CDC14B: variants seen among roughly 807,000 people sequenced by gnomAD.
CDC14B encodes the protein dual specificity protein phosphatase CDC14B.
Under a neutral mutation model 64.2 loss-of-function variants are expected in CDC14B, and 22 were observed. That is an observed-to-expected ratio of 0.34 (90% confidence interval 0.24 to 0.49). The LOEUF is 0.49. Among genes scored for constraint, CDC14B ranks in the 20% least tolerant of loss-of-function variants. CDC14B has a pLI of 0.99. For missense variants in CDC14B, 498 were observed against 629.9 expected, an observed-to-expected ratio of 0.79 and a Z score of 2.24; for synonymous variants, 191 against 215.8, an observed-to-expected ratio of 0.89 and a Z score of 1.01.
At chr9:96,497,462 C>T (rs2181071), downstream of CDC14B, among the ~76,000 whole-genome samples, 22,209 of 152,220 alleles carry the variant, frequency 0.15, 1,730 homozygotes, top group Non-Finnish European at 0.18. Context: ...CTGCGCCAAC[C>T]GCTTGGAAGA....
chr9:96,599,907 T>A (rs1424538852), intron 1 of CDC14B, among the ~76,000 whole-genome samples: 2 of 152,084 alleles, frequency 1.3e-5, no homozygotes, highest in Admixed American at 6.6e-5. Flanking sequence ...AATTTTTGTA[T>A]TTTCAGTAGA....
chr9:96,566,727 T>G, intron 1 of CDC14B: 1 of 1,574,966 alleles, frequency 6.3e-7, no homozygotes, highest in Non-Finnish European at 8.6e-7. Context: ...CCAGCGCGGG[T>G]GCCGGAGCCC....
Position 96,515,007 on chromosome 9 carries a change from C to G in CDC14B, c.1344-5218G>C. 1 of 763,270 alleles carries G rather than the reference C, an allele frequency of 1.3e-6. No individual in the cohort carries two copies. Among genetic ancestry groups the G allele is most frequent in the Non-Finnish European group, 1.6e-6 (1 of 627,376 alleles). 47.3% of individuals were successfully genotyped at this position (763,270 alleles called of 1,614,324 possible). A position where few individuals can be genotyped will look rare whatever the true frequency, so the allele number is the denominator to read the frequency against. On this transcript the variant is annotated intron_variant, in intron 12 of 13. Transcript: ENST00000375241. The surrounding 1 kb of genome is among the most constrained non-coding windows in gnomAD (Gnocchi z 4.3). ...TCATATGGAAATGCACCAATTTAAA[C>G]AGGCGACCTCAGCTCCGACCTCCTA...
chr9:96,551,401 C>A (rs1459347443), intron 5 of CDC14B, among the ~76,000 whole-genome samples: 1 of 152,072 alleles, frequency 6.6e-6, no homozygotes, highest in Non-Finnish European at 1.5e-5. Flanking sequence ...GGATTACAGG[C>A]ATGAGCCACT....
intron 1 of CDC14B, among the ~76,000 whole-genome samples, chr9:96,602,002 T>C (rs886458540): frequency 4.6e-5 from 7 of 151,894 alleles, no homozygotes; most frequent in Admixed American, 6.6e-5. Context: ...GAGCTTTCAG[T>C]GAGCCAGGAT....
intron 1 of CDC14B, among the ~76,000 whole-genome samples, chr9:96,607,703 G>A (rs944512118): frequency 2.2e-4 from 33 of 152,250 alleles, no homozygotes; most frequent in Admixed American, 5.2e-4. Context: ...GATTACAGGC[G>A]TGAGCCACCG....
At chr9:96,547,751 C>A (rs1397062204) in intron 5 of CDC14B, among the ~76,000 whole-genome samples, 2 of 152,166 alleles carry the variant, frequency 1.3e-5, no homozygotes. Context: ...CCATGCCCAG[C>A]CTATACCAAG....
chr9:96,572,524 G>GT (rs376587319), intron 1 of CDC14B, among the ~76,000 whole-genome samples: 235 of 150,642 alleles, frequency 1.6e-3, no homozygotes, highest in African/African-American at 5.5e-3. Context: ...AGGAAAAACA[G>GT]TTTGAGTTTT....
intron 5 of CDC14B, among the ~76,000 whole-genome samples, chr9:96,549,381 C>T (rs912516600): frequency 1.3e-5 from 2 of 152,026 alleles, no homozygotes; most frequent in South Asian, 2.1e-4. Context: ...TGTCACAGAT[C>T]GGCACCAGTT....
chr9:96,511,966 G>C (rs1209665644), intron 12 of CDC14B, among the ~76,000 whole-genome samples: 2 of 152,112 alleles, frequency 1.3e-5, no homozygotes, highest in African/African-American at 4.8e-5. Flanking sequence ...ATGCCCAAAA[G>C]TAAAAGTAGC....
chr9:96,491,348 GAA>G (rs1294762446), exon 14 of CDC14B: 5 of 152,226 alleles, frequency 3.3e-5, no homozygotes, highest in Non-Finnish European at 7.3e-5. Context: ...TTTGTGTAGA[GAA>G]AACAGTCCTT....
chr9:96,522,708 A>G, intron 11 of CDC14B, 105 bp from the exon 12 acceptor site: 1 of 739,158 alleles, frequency 1.4e-6, no homozygotes, highest in South Asian at 1.6e-5. Flanking sequence ...AGTTTCTGCA[A>G]GCTCTAGAAT....
chr9:96,580,833 T>G (rs890269239), intron 1 of CDC14B, among the ~76,000 whole-genome samples: 4 of 152,218 alleles, frequency 2.6e-5, no homozygotes, highest in African/African-American at 9.6e-5. Context: ...TCCACAGTCA[T>G]ACAAAGATCA....
At chr9:96,580,281 G>A (rs1845069060) in intron 1 of CDC14B, among the ~76,000 whole-genome samples, 1 of 150,902 alleles carries the variant, frequency 6.6e-6, no homozygotes, top group Admixed American at 6.6e-5. Flanking sequence ...GCCCAGGTTG[G>A]AGTGCAATGG....
At chr9:96,587,263 C>G (rs1845501467) in intron 1 of CDC14B, among the ~76,000 whole-genome samples, 1 of 152,170 alleles carries the variant, frequency 6.6e-6, no homozygotes, top group Non-Finnish European at 1.5e-5. Flanking sequence ...GAACTTTCTG[C>G]AAGAAAGGGA....
intron 13 of CDC14B, among the ~76,000 whole-genome samples, chr9:96,494,709 CTTTCTTCCT>C (rs1484699983): frequency 1.3e-5 from 2 of 151,890 alleles, no homozygotes; most frequent in South Asian, 2.1e-4. Flanking sequence ...TTCTTTCTTT[CTTTCTTCCT>C]TTCCTTTCCT....
rs1320370901 is a variant in CDC14B at position 96,514,574 on chromosome 9, T to C, written c.1344-4785A>G. On this transcript the variant is annotated intron_variant, in intron 12 of 13. Transcript: ENST00000375241. ...TTCTCAGCTATGTGAAAATACTCAG[T>C]GAAACCACAAAGTACCAGAGTTGGT... 13 of 985,324 alleles carry C rather than the reference T, an allele frequency of 1.3e-5. No homozygotes were observed. In the East Asian group the frequency reaches 1.5e-3, roughly 112 times the overall value. The allele number at this position is 985,324 out of a possible 1,614,324, so 61.0% of individuals were successfully genotyped here. A position where few individuals can be genotyped will look rare whatever the true frequency, so the allele number is the denominator to read the frequency against.
At chr9:96,495,129 T>C (rs1030765436), downstream of CDC14B, among the ~76,000 whole-genome samples, 19 of 152,060 alleles carry the variant, frequency 1.2e-4, no homozygotes, top group African/African-American at 2.2e-4. Context: ...CCACCGCGCC[T>C]GGCCTGAACA....
At chr9:96,600,942 G>A (rs1354297585) in intron 1 of CDC14B, among the ~76,000 whole-genome samples, 1 of 151,992 alleles carries the variant, frequency 6.6e-6, no homozygotes, top group Non-Finnish European at 1.5e-5. Context: ...GGATACATAA[G>A]GAAACAGATT....
Sources: gnomAD v4.1 joint callset for allele counts (sites outside exome capture counted in the v4.1 genomes callset) on GRCh38, gnomAD v4.1.1 for gene constraint, Gnocchi (gnomAD v3.1) non-coding constraint, MANE v1.5 for transcripts, NCBI Gene and HGNC (gene_info 2026-07-23, HGNC 2026-07-21) for gene names.